The following MVB12B variants were observed in gnomAD, a reference collection of about 807,000 sequenced individuals.
The protein encoded by MVB12B is ESCRT-I complex subunit MVB12B.
MVB12B carries 16 observed loss-of-function variants against 41.6 expected under a neutral mutation model. That is an observed-to-expected ratio of 0.38 (90% CI 0.26 to 0.58). The LOEUF is 0.58. MVB12B is among the 20% of genes least tolerant of loss of function. The pLI, the probability that MVB12B is intolerant of heterozygous loss-of-function variation, is 0.62. For synonymous variants in MVB12B, 133 were observed against 139.7 expected (o/e 0.95, Z 0.34); for missense variants, 274 against 380.2 (o/e 0.72, Z 2.32).
chr9:126,414,928 C>A (rs577615477), intron 6 of MVB12B, among the ~76,000 whole-genome samples: 41 of 152,122 alleles, frequency 2.7e-4, no homozygotes, highest in African/African-American at 8.4e-4. Context: ...TGGGGTTTCA[C>A]CATGATGCCC....
chr9:126,483,906 C>T (rs1398241235), intron 8 of MVB12B, 67 bp from the exon 9 acceptor site: 11 of 1,522,514 alleles, frequency 7.2e-6, no homozygotes, highest in Admixed American at 1.7e-5. Context: ...CATTGTCATG[C>T]ATAAAAGTAA....
At chr9:126,403,686 C>T (rs755090369) in intron 6 of MVB12B, among the ~76,000 whole-genome samples, 1 of 152,232 alleles carries the variant, frequency 6.6e-6, no homozygotes, top group Non-Finnish European at 1.5e-5. Context: ...ACCATGTCAT[C>T]TCATTCCATG....
intron 7 of MVB12B, among the ~76,000 whole-genome samples, chr9:126,460,081 CCCCTAGGGGT>C (rs2119174531): frequency 6.6e-6 from 1 of 152,260 alleles, no homozygotes; most frequent in South Asian, 2.1e-4. Flanking sequence ...CTTGAGGGGG[CCCCTAGGGGT>C]CCCCAAATCA....
rs1833880118 is a variant in MVB12B at position 126,498,296 on chromosome 9, G to A, written c.874-4881G>A. Among the ~76,000 whole-genome samples, 4 of 152,194 alleles carry A rather than the reference G, an allele frequency of 2.6e-5. No individual in the cohort carries two copies. The South Asian group carries it at 6.2e-4, about 24-fold the overall frequency. On this transcript the variant is annotated intron_variant, in intron 9 of 9. Coordinates refer to ENST00000361171, the MANE Select transcript of MVB12B (RefSeq NM_033446.3). ...GGGCTTGGAGAAGCAGACAGGTGGG[G>A]CTGCTGTACAGAATCTCCCCCACCT...
chr9:126,448,226 A>T (rs1260676209), intron 7 of MVB12B: 2 of 152,740 alleles, frequency 1.3e-5, no homozygotes, highest in African/African-American at 4.8e-5. Flanking sequence ...ACCCTGAGCT[A>T]TGCCTCTCAA....
intron 6 of MVB12B, among the ~76,000 whole-genome samples, chr9:126,419,415 G>C (rs1564321266): frequency 6.6e-6 from 1 of 152,164 alleles, no homozygotes; most frequent in African/African-American, 2.4e-5. Flanking sequence ...ATTCTTGATA[G>C]CATTTGAATA....
rs556758431 is a variant in MVB12B at position 126,379,061 on chromosome 9, C to T, written c.205-2003C>T. ...CGTTAAAGACACAGCTCCCTGTCTT[C>T]CAAGGCAGCTTGTGGTTCCACAGCC... On this transcript the variant is annotated intron_variant, in intron 2 of 9. Transcript: ENST00000361171. 3.3e-4 allele frequency among the ~76,000 whole-genome samples: 50 copies of T among 152,298 alleles called. 1 individual carries two copies. Among genetic ancestry groups the T allele is most frequent in the South Asian group, 4.1e-4 (2 of 4,824 alleles).
At chr9:126,363,320 C>G (rs1004965381) in intron 2 of MVB12B, among the ~76,000 whole-genome samples, 14 of 152,154 alleles carry the variant, frequency 9.2e-5, no homozygotes, top group Non-Finnish European at 1.5e-4. Context: ...TTTAGGATGA[C>G]AAATTTATGA....
intron 1 of MVB12B, among the ~76,000 whole-genome samples, chr9:126,336,779 C>T (rs865963896): frequency 6.6e-6 from 1 of 151,918 alleles, no homozygotes; most frequent in African/African-American, 2.4e-5. Context: ...CACACACACA[C>T]ACTACTATCC....
chr9:126,326,983 A>ACCG lies in MVB12B; in HGVS notation c.66_68dup (p.Pro23dup), dbSNP rs764904075. On this transcript the variant is annotated inframe_insertion, in exon 1 of 10. Coordinates refer to ENST00000361171, the MANE Select transcript of MVB12B (RefSeq NM_033446.3). ...GCCGGGACCCGCCGCCGCCGCAGCC[A>ACCG]CCGCCGCCGCCGCCCCAGCGGGGAA... 1.7e-5 allele frequency: 4 copies of ACCG among 236,052 alleles called. No individual in the cohort carries two copies. Among genetic ancestry groups the ACCG allele is most frequent in the African/African-American group, 5.2e-5 (2 of 38,258 alleles). 14.6% of individuals were successfully genotyped at this position (236,052 alleles called of 1,614,324 possible). A position where few individuals can be genotyped will look rare whatever the true frequency, so the allele number is the denominator to read the frequency against.
At chr9:126,331,680 A>C (rs1829135069) in intron 1 of MVB12B, among the ~76,000 whole-genome samples, 1 of 152,226 alleles carries the variant, frequency 6.6e-6, no homozygotes, top group African/African-American at 2.4e-5. Context: ...ATGGAAACTC[A>C]GGCCCAGTTT....
intron 7 of MVB12B, among the ~76,000 whole-genome samples, chr9:126,479,801 A>C (rs1488669586): frequency 6.6e-6 from 1 of 152,238 alleles, no homozygotes; most frequent in Non-Finnish European, 1.5e-5. Flanking sequence ...TGATCCAAGA[A>C]GGTTTCGTTT....
Position 126,506,914 on chromosome 9 carries a change from C to G in MVB12B, c.*3651C>G. On this transcript the variant is annotated 3_prime_UTR_variant, in exon 10 of 10. Transcript: ENST00000361171. ...GTGTCAGGCCTGGACAAGGAAGACC[C>G]TTAGGGATGACGTCCCCGCTGCATA... The G allele has an allele frequency of 6.5e-6, 1 of 152,788 alleles. No homozygotes were observed. The allele number at this position is 152,788 out of a possible 1,614,324, so 9.5% of individuals were successfully genotyped here. A position where few individuals can be genotyped will look rare whatever the true frequency, so the allele number is the denominator to read the frequency against.
intron 7 of MVB12B, among the ~76,000 whole-genome samples, chr9:126,452,932 A>G (rs898248928): frequency 6.6e-6 from 1 of 152,128 alleles, no homozygotes. Context: ...GTGACCTGCT[A>G]ATACAGGGTG....
chr9:126,370,662 G>A (rs1266689198), intron 2 of MVB12B, among the ~76,000 whole-genome samples: 2 of 152,136 alleles, frequency 1.3e-5, no homozygotes, highest in Non-Finnish European at 2.9e-5. Context: ...GATTGCAGGT[G>A]TGAGTCACCG....
chr9:126,434,195 T>G (rs913589272), intron 7 of MVB12B, among the ~76,000 whole-genome samples: 9 of 152,146 alleles, frequency 5.9e-5, no homozygotes, highest in African/African-American at 1.7e-4. Flanking sequence ...TGAATGGCTT[T>G]TTCCCTCTTT....
At chr9:126,458,457 C>G (rs565632106) in intron 7 of MVB12B, among the ~76,000 whole-genome samples, 7 of 152,340 alleles carry the variant, frequency 4.6e-5, no homozygotes, top group Middle Eastern at 3.4e-3. Flanking sequence ...AACACTGGCT[C>G]TTAACTTTGC....
intron 6 of MVB12B, among the ~76,000 whole-genome samples, chr9:126,409,952 CTTGA>C (rs1166371843): frequency 9.8e-5 from 15 of 152,316 alleles, no homozygotes; most frequent in Admixed American, 2.6e-4. Context: ...AACCGTTGTT[CTTGA>C]TTATTTCTGC....
rs1830953395 is a variant in MVB12B at position 126,391,569 on chromosome 9, A to C, written c.410-497A>C. On this transcript the variant is annotated intron_variant, in intron 4 of 9. Coordinates refer to ENST00000361171, the MANE Select transcript of MVB12B (RefSeq NM_033446.3). The surrounding 1 kb of genome is among the most constrained non-coding windows in gnomAD (Gnocchi z 4.4). Reference sequence around the variant, plus strand: ...GTGTCGTCAGGGATTCATTTTAAATATCCAGCAAAACTGCAGGGGTGGGAG... The same window carrying C: ...GTGTCGTCAGGGATTCATTTTAAATCTCCAGCAAAACTGCAGGGGTGGGAG... Among the ~76,000 whole-genome samples the C allele has an allele frequency of 6.6e-6, 1 of 152,244 alleles. No individual in the cohort carries two copies. Among genetic ancestry groups the C allele is most frequent in the Non-Finnish European group, 1.5e-5 (1 of 68,048 alleles).
Sources: gnomAD v4.1 joint callset for allele counts (sites outside exome capture counted in the v4.1 genomes callset) on GRCh38, gnomAD v4.1.1 for gene constraint, Gnocchi (gnomAD v3.1) non-coding constraint, MANE v1.5 for transcripts, NCBI Gene and HGNC (gene_info 2026-07-23, HGNC 2026-07-21) for gene names.